Variants in TASP1 observed in about 807,000 individuals in gnomAD.
TASP1 encodes taspase 1, also known as threonine aspartase 1.
Under a neutral mutation model 56.6 loss-of-function variants are expected in TASP1, and 16 were observed. The observed-to-expected ratio is 0.28, with a 90% CI of 0.19 to 0.43. The LOEUF is 0.43. TASP1 is among the 20% of genes least tolerant of loss of function. TASP1 has a pLI of 1.00. For missense variants in TASP1, 393 were observed against 511.6 expected (o/e 0.77, Z 2.24); for synonymous variants, 179 against 184.2 (o/e 0.97, Z 0.23).
intron 13 of TASP1, among the ~76,000 whole-genome samples, chr20:13,394,558 G>T (rs2041446844): frequency 1.3e-5 from 2 of 151,912 alleles, no homozygotes; most frequent in South Asian, 4.1e-4. Flanking sequence ...CTTGCAGTAA[G>T]CCAAGATCGC....
chr20:13,552,837 A>C (rs1317598690), intron 8 of TASP1, among the ~76,000 whole-genome samples: 2 of 152,240 alleles, frequency 1.3e-5, no homozygotes, highest in African/African-American at 4.8e-5. Flanking sequence ...TAGTGTACTA[A>C]GTAAATATTG....
At chr20:13,253,809 T>C in the TASP1 span, among the ~76,000 whole-genome samples, 1 of 151,956 alleles carries the variant, frequency 6.6e-6, no homozygotes, top group Non-Finnish European at 1.5e-5. Flanking sequence ...AGTTCAGATA[T>C]CTTAAAATTT....
intron 4 of TASP1, among the ~76,000 whole-genome samples, chr20:13,592,894 CA>C (rs1395878269): frequency 1.3e-5 from 2 of 151,994 alleles, no homozygotes; most frequent in East Asian, 3.9e-4. Flanking sequence ...AATATACATG[CA>C]AAAATCCTTA....
At chr20:13,318,807 T>C in the TASP1 span, among the ~76,000 whole-genome samples, 3 of 152,274 alleles carry the variant, frequency 2.0e-5, no homozygotes, top group South Asian at 4.2e-4. Flanking sequence ...TCCAACTACA[T>C]AGCCTTCTAG....
At chr20:13,610,604 A>G (rs2048319802) in intron 4 of TASP1, among the ~76,000 whole-genome samples, 1 of 152,256 alleles carries the variant, frequency 6.6e-6, no homozygotes, top group African/African-American at 2.4e-5. Flanking sequence ...AAATTTTTTA[A>G]AAACTGTTAC....
the TASP1 span, among the ~76,000 whole-genome samples, chr20:13,203,569 A>C: frequency 6.6e-6 from 1 of 152,250 alleles, no homozygotes; most frequent in African/African-American, 2.4e-5. Flanking sequence ...TGGATAAATA[A>C]ATTAATGGAT....
the TASP1 span, among the ~76,000 whole-genome samples, chr20:13,155,923 G>A: frequency 6.6e-6 from 1 of 152,172 alleles, no homozygotes; most frequent in African/African-American, 2.4e-5. Flanking sequence ...ATTGCATGAA[G>A]TATCTGAGGA....
At chr20:13,486,829 T>C (rs1399840260) in intron 10 of TASP1, among the ~76,000 whole-genome samples, 2 of 152,190 alleles carry the variant, frequency 1.3e-5, no homozygotes, top group Non-Finnish European at 2.9e-5. Context: ...AATTCAGTTA[T>C]CAATTTCCAG....
At chr20:13,189,718 T>C in the TASP1 span, among the ~76,000 whole-genome samples, 15 of 152,156 alleles carry the variant, frequency 9.9e-5, no homozygotes, top group Non-Finnish European at 1.9e-4. Flanking sequence ...TGTAAATTAG[T>C]TCAGCCCCTG....
At chr20:13,473,537 G>C (rs2044603128) in intron 11 of TASP1, among the ~76,000 whole-genome samples, 1 of 152,030 alleles carries the variant, frequency 6.6e-6, no homozygotes, top group Admixed American at 6.6e-5. Context: ...TTATGTGGCT[G>C]TCCACTACAT....
chr20:13,276,644 G>A, the TASP1 span, among the ~76,000 whole-genome samples: 24 of 151,344 alleles, frequency 1.6e-4, no homozygotes, highest in Admixed American at 3.9e-4. Flanking sequence ...GAGAAAGGAC[G>A]GTAAGATCTA....
chr20:13,480,511 C>T (rs979626009), intron 11 of TASP1, among the ~76,000 whole-genome samples: 1 of 152,112 alleles, frequency 6.6e-6, no homozygotes, highest in South Asian at 2.1e-4. Context: ...CTCCTTTCCA[C>T]GAGTCTGGAA....
At chr20:13,494,963 C>A (rs1461488244) in intron 10 of TASP1, among the ~76,000 whole-genome samples, 3 of 150,324 alleles carry the variant, frequency 2.0e-5, no homozygotes, top group African/African-American at 4.9e-5. Flanking sequence ...AAAAAAAAAA[C>A]CAAAGCCAAA....
chr20:13,463,433 C>A (rs900534399), intron 11 of TASP1, among the ~76,000 whole-genome samples: 1 of 151,860 alleles, frequency 6.6e-6, no homozygotes, highest in Admixed American at 6.6e-5. Context: ...ACACAGGGGG[C>A]AAGCTTCATG....
chr20:13,357,062 T>C, the TASP1 span, among the ~76,000 whole-genome samples: 1 of 152,190 alleles, frequency 6.6e-6, no homozygotes, highest in Non-Finnish European at 1.5e-5. Context: ...CCAAGGGATA[T>C]AAGAAGCTTG....
intron 8 of TASP1, among the ~76,000 whole-genome samples, chr20:13,538,016 T>C (rs946445836): frequency 6.6e-6 from 1 of 151,894 alleles, no homozygotes; most frequent in South Asian, 2.1e-4. Context: ...TTTTTTTTTT[T>C]TTTGAGACAG....
the TASP1 span, among the ~76,000 whole-genome samples, chr20:13,342,921 CAA>C: frequency 1.3e-5 from 2 of 152,104 alleles, no homozygotes; most frequent in Non-Finnish European, 2.9e-5. Context: ...CAAGGAGAAA[CAA>C]GAGATCGTGA....
Position 13,590,025 on chromosome 20 carries a change from A to T in TASP1, c.283-2655T>A, listed in dbSNP as rs1052509379. On this transcript the variant is annotated intron_variant, in intron 4 of 13. Transcript: ENST00000337743. ...GGCAGGCAGATCACTTGAGGCCAGG[A>T]CTTCAAAACAAGCCTGGCCAACATG... is the stretch of plus-strand genomic sequence containing the variant. 1.1e-4 allele frequency among the ~76,000 whole-genome samples: 17 copies of T among 152,028 alleles called. No individual in the cohort carries two copies. The East Asian group carries it at 2.9e-3, about 26-fold the overall frequency.
At chr20:13,422,682 TA>T (rs999814279) in intron 12 of TASP1, among the ~76,000 whole-genome samples, 15 of 152,168 alleles carry the variant, frequency 9.9e-5, no homozygotes, top group African/African-American at 3.6e-4. Context: ...GGCGCAATTT[TA>T]AATGGCAAAA....
Sources: gnomAD v4.1 joint callset for allele counts (sites outside exome capture counted in the v4.1 genomes callset) on GRCh38, gnomAD v4.1.1 for gene constraint, MANE v1.5 for transcripts, NCBI Gene and HGNC (gene_info 2026-07-23, HGNC 2026-07-21) for gene names.